Variants in TRUB1 observed in about 807,000 individuals in gnomAD.
TRUB1 encodes the protein pseudouridylate synthase TRUB1.
A neutral mutation model predicts 33.9 loss-of-function variants in TRUB1; 23 were observed. The observed-to-expected ratio is 0.68, with a 90% CI of 0.49 to 0.96. TRUB1 has a LOEUF of 0.96. TRUB1 is among the 40% of genes least tolerant of loss of function. The pLI is 0.00. For missense variants in TRUB1, 378 were observed against 422.2 expected (o/e 0.90, Z 0.92); for synonymous variants, 163 against 165.4 (o/e 0.99, Z 0.11).
At chr10:114,968,331 C>T (rs546416069) in intron 4 of TRUB1, among the ~76,000 whole-genome samples, 23 of 152,208 alleles carry the variant, frequency 1.5e-4, no homozygotes, top group African/African-American at 5.3e-4. Flanking sequence ...GTTGCAGGAG[C>T]GTCAGTAGAG....
intron 2 of TRUB1, among the ~76,000 whole-genome samples, chr10:114,944,194 C>T (rs549335350): frequency 5.3e-5 from 8 of 151,974 alleles, no homozygotes; most frequent in Admixed American, 5.2e-4. Flanking sequence ...TTTTATGGAA[C>T]AATACTTATC....
chr10:114,950,496 C>T (rs958809879), intron 2 of TRUB1, among the ~76,000 whole-genome samples: 1 of 152,124 alleles, frequency 6.6e-6, no homozygotes, highest in African/African-American at 2.4e-5. Flanking sequence ...AATGTGTTGA[C>T]GTATGAATAA....
intron 4 of TRUB1, among the ~76,000 whole-genome samples, chr10:114,965,239 T>C (rs1040796237): frequency 3.3e-5 from 5 of 152,160 alleles, no homozygotes; most frequent in Non-Finnish European, 7.3e-5. Flanking sequence ...TTACAGGTTT[T>C]TTTTTAATAG....
chr10:114,945,252 G>T (rs986810521), intron 2 of TRUB1, among the ~76,000 whole-genome samples: 1 of 152,180 alleles, frequency 6.6e-6, no homozygotes, highest in African/African-American at 2.4e-5. Flanking sequence ...GATACCTGGT[G>T]CTCCTGCTTT....
intron 1 of TRUB1, among the ~76,000 whole-genome samples, chr10:114,942,218 G>A (rs2084191004): frequency 6.6e-6 from 1 of 152,208 alleles, no homozygotes. Flanking sequence ...GCTGGAGATA[G>A]CAGCAAAGAC....
intron 2 of TRUB1, 49 bp from the exon 3 acceptor site, chr10:114,951,045 C>A (rs1417276692): frequency 1.3e-6 from 2 of 1,507,996 alleles, no homozygotes; most frequent in Non-Finnish European, 9.2e-7. Context: ...ATTTTAAAAA[C>A]CTAGTTTTCA....
chr10:114,944,299 C>G (rs749852879), intron 2 of TRUB1, among the ~76,000 whole-genome samples: 57 of 151,932 alleles, frequency 3.8e-4, no homozygotes, highest in Admixed American at 7.2e-4. Flanking sequence ...TCTAAGCTAT[C>G]CAAAGTAAAT....
At chr10:114,952,406 A>G (rs1203477857) in intron 3 of TRUB1, among the ~76,000 whole-genome samples, 1 of 152,226 alleles carries the variant, frequency 6.6e-6, no homozygotes, top group Non-Finnish European at 1.5e-5. Context: ...ACGCCATTGC[A>G]CGCCAGCGTG....
In TRUB1 at chr10:114,976,071, A is replaced by G. The variant is rs371358824; in HGVS notation, c.*692A>G. Reference sequence around the variant, plus strand: ...ACCATTAGAGCAGAAGACAGCTCCTATAGTTTTGTATTTTGGCAGCTATGA... The same window carrying G: ...ACCATTAGAGCAGAAGACAGCTCCTGTAGTTTTGTATTTTGGCAGCTATGA... On this transcript the variant is annotated 3_prime_UTR_variant, in exon 8 of 8. Transcript: ENST00000298746. 2 of 152,672 alleles carry G rather than the reference A, an allele frequency of 1.3e-5. No individual in the cohort carries two copies. Among genetic ancestry groups the G allele is most frequent in the African/African-American group, 4.8e-5 (2 of 41,566 alleles). 9.5% of individuals were successfully genotyped at this position (152,672 alleles called of 1,614,324 possible).
intron 1 of TRUB1, among the ~76,000 whole-genome samples, chr10:114,941,227 A>C (rs1322505396): frequency 6.6e-6 from 1 of 151,516 alleles, no homozygotes; most frequent in African/African-American, 2.4e-5. Context: ...AATAGCCAAT[A>C]CTCTCTCAGT....
chr10:114,950,079 G>A (rs2084227575), intron 2 of TRUB1, among the ~76,000 whole-genome samples: 1 of 151,836 alleles, frequency 6.6e-6, no homozygotes, highest in Non-Finnish European at 1.5e-5. Context: ...TGTATTTTTA[G>A]TAGAGACGGG....
At position 114,975,449 on chromosome 10, in the gene TRUB1, C is replaced by T. The variant is rs1442039994; in HGVS notation, c.*70C>T. ...CTGTGTGCAGATGCAGAATGACAAG[C>T]TGCATTCAAAAGACAAACAATATGT... On this transcript the variant is annotated 3_prime_UTR_variant, in exon 8 of 8. Transcript: ENST00000298746. 1.4e-6 allele frequency: 2 copies of T among 1,393,610 alleles called. No homozygotes were observed. Among genetic ancestry groups the T allele is most frequent in the Admixed American group, 2.6e-5 (1 of 37,816 alleles). The allele number at this position is 1,393,610 out of a possible 1,614,324, so 86.3% of individuals were successfully genotyped here.
intron 1 of TRUB1, 44 bp from the exon 2 acceptor site, chr10:114,942,601 T>G: frequency 7.5e-7 from 1 of 1,328,996 alleles, no homozygotes; most frequent in Non-Finnish European, 1.1e-6. Flanking sequence ...TCCTACTTCA[T>G]TTGTCTTGGT....
At chr10:114,957,496 G>C (rs80259664) in intron 3 of TRUB1, among the ~76,000 whole-genome samples, 2 of 152,264 alleles carry the variant, frequency 1.3e-5, no homozygotes, top group Admixed American at 1.3e-4. Context: ...TCGAATTTGT[G>C]GATTTGATAT....
chr10:114,958,694 C>T (rs1286996240), intron 3 of TRUB1, among the ~76,000 whole-genome samples: 8 of 152,138 alleles, frequency 5.3e-5, no homozygotes, highest in Non-Finnish European at 8.8e-5. Context: ...GAAAAGAGTA[C>T]GTACTACAAG....
chr10:114,968,231 G>T (rs1476845030), intron 4 of TRUB1, among the ~76,000 whole-genome samples: 1 of 152,216 alleles, frequency 6.6e-6, no homozygotes, highest in African/African-American at 2.4e-5. Flanking sequence ...CAATATGGCA[G>T]AAGTAGAATG....
intron 4 of TRUB1, among the ~76,000 whole-genome samples, chr10:114,965,069 A>G (rs2084301331): frequency 6.6e-6 from 1 of 151,696 alleles, no homozygotes; most frequent in African/African-American, 2.4e-5. Context: ...AGCTGGGACT[A>G]CAGGTGCCAG....
intron 4 of TRUB1, among the ~76,000 whole-genome samples, chr10:114,961,096 T>G (rs1225801889): frequency 6.6e-6 from 1 of 152,140 alleles, no homozygotes; most frequent in Non-Finnish European, 1.5e-5. Flanking sequence ...TTTGAAATTT[T>G]CTTAGTCTCT....
intron 5 of TRUB1, among the ~76,000 whole-genome samples, 185 bp from the exon 6 acceptor site, chr10:114,971,950 A>C (rs2084338438): frequency 6.6e-6 from 1 of 152,208 alleles, no homozygotes; most frequent in Non-Finnish European, 1.5e-5. Flanking sequence ...TCTATCCATG[A>C]CAGCATTATG....
Sources: gnomAD v4.1 joint callset for allele counts (sites outside exome capture counted in the v4.1 genomes callset) on GRCh38, gnomAD v4.1.1 for gene constraint, MANE v1.5 for transcripts, NCBI Gene and HGNC (gene_info 2026-07-23, HGNC 2026-07-21) for gene names.